TASP1: variants seen among roughly 807,000 people sequenced by gnomAD.
TASP1 encodes the protein taspase 1.
A neutral mutation model predicts 56.6 loss-of-function variants in TASP1; 16 were observed. The ratio of observed to expected loss-of-function variants is 0.28; its 90% CI spans 0.19 to 0.43. The LOEUF is 0.43. TASP1 is among the 20% of genes least tolerant of loss of function. The pLI, the probability that TASP1 is intolerant of heterozygous loss-of-function variation, is 1.00. For missense variants in TASP1, 393 were observed against 511.6 expected (o/e 0.77, Z 2.24); for synonymous variants, 179 against 184.2 (o/e 0.97, Z 0.23).
At chr20:13,344,895 T>A in the TASP1 span, among the ~76,000 whole-genome samples, 1 of 152,170 alleles carries the variant, frequency 6.6e-6, no homozygotes, top group Non-Finnish European at 1.5e-5. Context: ...CTCCAAGGTT[T>A]CTCTGGCTTG....
chr20:13,129,890 T>C, the TASP1 span, among the ~76,000 whole-genome samples: 10 of 152,206 alleles, frequency 6.6e-5, no homozygotes, highest in Non-Finnish European at 1.5e-4. Context: ...GTTACTTTTT[T>C]AACCTCAGTT....
Position 13,389,674 on chromosome 20 carries a change from T to C in TASP1, c.*686A>G, listed in dbSNP as rs992027688. 1 of 152,740 alleles carries C rather than the reference T, an allele frequency of 6.5e-6. No homozygotes were observed. Among genetic ancestry groups the C allele is most frequent in the Admixed American group, 6.5e-5 (1 of 15,290 alleles). The allele number at this position is 152,740 out of a possible 1,614,324, so 9.5% of individuals were successfully genotyped here. On this transcript the variant is annotated 3_prime_UTR_variant, in exon 14 of 14. Transcript: ENST00000337743. ...GCTCGAAGCTATGCAATATTTAAGC[T>C]TAGAAAAGCTTGATGAAATAAGTAC...
At chr20:13,446,302 C>T (rs1176975758) in intron 11 of TASP1, among the ~76,000 whole-genome samples, 1 of 152,018 alleles carries the variant, frequency 6.6e-6, no homozygotes. Context: ...GCCTAATGAC[C>T]AGGTATGTTC....
At chr20:13,265,059 T>C in the TASP1 span, among the ~76,000 whole-genome samples, 1 of 152,126 alleles carries the variant, frequency 6.6e-6, no homozygotes, top group Non-Finnish European at 1.5e-5. Context: ...CCGATGTGTA[T>C]AATATTTAAC....
the TASP1 span, among the ~76,000 whole-genome samples, chr20:13,181,313 C>G: frequency 6.6e-6 from 1 of 152,190 alleles, no homozygotes; most frequent in Non-Finnish European, 1.5e-5. Flanking sequence ...TCAATGAACC[C>G]TTTACGGCAG....
At chr20:13,146,197 T>C in the TASP1 span, among the ~76,000 whole-genome samples, 2 of 152,156 alleles carry the variant, frequency 1.3e-5, no homozygotes, top group African/African-American at 4.8e-5. Flanking sequence ...ATACCACATG[T>C]TCTTACTTAT....
chr20:13,615,332 A>G (rs1297940328), intron 4 of TASP1, among the ~76,000 whole-genome samples: 1 of 152,148 alleles, frequency 6.6e-6, no homozygotes, highest in Non-Finnish European at 1.5e-5. Flanking sequence ...GCCAGTAAAA[A>G]CTACCTGGCA....
At chr20:13,160,700 T>C in the TASP1 span, among the ~76,000 whole-genome samples, 2 of 152,306 alleles carry the variant, frequency 1.3e-5, no homozygotes, top group East Asian at 3.9e-4. Context: ...TCACATAACA[T>C]AAATGCAGTT....
intron 4 of TASP1, among the ~76,000 whole-genome samples, chr20:13,592,888 T>C (rs191340886): frequency 2.0e-5 from 3 of 152,288 alleles, no homozygotes; most frequent in South Asian, 2.1e-4. Context: ...CTCTTGAATA[T>C]ACATGCAAAA....
chr20:13,300,868 T>C, the TASP1 span, among the ~76,000 whole-genome samples: 7,909 of 152,288 alleles, frequency 0.052, 300 homozygotes, highest in Non-Finnish European at 0.077. Flanking sequence ...GTGTGACTTT[T>C]TGCCCGCCCA....
At chr20:13,348,430 C>A in the TASP1 span, among the ~76,000 whole-genome samples, 1 of 152,120 alleles carries the variant, frequency 6.6e-6, no homozygotes, top group African/African-American at 2.4e-5. Flanking sequence ...TGGAACCCCC[C>A]GTGGAATGAA....
chr20:13,250,736 G>A, the TASP1 span, among the ~76,000 whole-genome samples: 27 of 152,330 alleles, frequency 1.8e-4, 1 homozygote, highest in South Asian at 3.9e-3. Flanking sequence ...TCTTTGGAAC[G>A]GAGTAATTGG....
chr20:13,306,990 C>A, the TASP1 span, among the ~76,000 whole-genome samples: 1 of 152,202 alleles, frequency 6.6e-6, no homozygotes, highest in South Asian at 2.1e-4. Flanking sequence ...TTGAATCCCT[C>A]TTGAGGGCTC....
intron 11 of TASP1, among the ~76,000 whole-genome samples, chr20:13,448,183 T>G (rs1326929115): frequency 6.6e-6 from 1 of 152,144 alleles, no homozygotes; most frequent in Non-Finnish European, 1.5e-5. Flanking sequence ...GTTGCTGTTT[T>G]ATATTCCTAA....
chr20:13,165,400 T>G, the TASP1 span: 1 of 152,694 alleles, frequency 6.5e-6, no homozygotes, highest in African/African-American at 2.4e-5. Context: ...TTGTCACATT[T>G]GGACGTTTTT....
chr20:13,313,958 T>G, the TASP1 span, among the ~76,000 whole-genome samples: 5 of 152,106 alleles, frequency 3.3e-5, no homozygotes, highest in African/African-American at 9.7e-5. Flanking sequence ...TAAAATGAGA[T>G]GCTAAAGATC....
intron 13 of TASP1, among the ~76,000 whole-genome samples, chr20:13,413,829 A>G (rs1338110766): frequency 6.6e-6 from 1 of 152,154 alleles, no homozygotes; most frequent in Non-Finnish European, 1.5e-5. Context: ...TTTGCTTTGC[A>G]ATTTGCTGTT....
intron 4 of TASP1, among the ~76,000 whole-genome samples, chr20:13,604,749 C>G (rs563139633): frequency 1.4e-4 from 21 of 152,102 alleles, no homozygotes; most frequent in Admixed American, 1.2e-3. Context: ...ACTAAAATGA[C>G]TAAAATTTAA....
intron 10 of TASP1, among the ~76,000 whole-genome samples, chr20:13,505,617 A>C (rs1195652142): frequency 6.6e-6 from 1 of 152,192 alleles, no homozygotes; most frequent in East Asian, 1.9e-4. Flanking sequence ...GAAAACTAGA[A>C]AATTTGCAAA....
Sources: gnomAD v4.1 joint callset for allele counts (sites outside exome capture counted in the v4.1 genomes callset) on GRCh38, gnomAD v4.1.1 for gene constraint, MANE v1.5 for transcripts, NCBI Gene and HGNC (gene_info 2026-07-23, HGNC 2026-07-21) for gene names.